Variants in BPTF observed in about 807,000 individuals in gnomAD.
The protein encoded by BPTF is bromodomain PHD finger transcription factor, also known as nucleosome-remodeling factor subunit BPTF.
A neutral mutation model predicts 292.5 loss-of-function variants in BPTF; 18 were observed. That is an observed-to-expected ratio of 0.06 (90% CI 0.04 to 0.09). The LOEUF (loss-of-function observed/expected upper bound fraction) is 0.09. Among genes scored for constraint, BPTF ranks in the 10% least tolerant of loss-of-function variants. The pLI is 1.00. For missense variants in BPTF, 2,726 were observed against 3,498.7 expected (o/e 0.78, Z 5.57); for synonymous variants, 1,225 against 1,251.9 (o/e 0.98, Z 0.45).
intron 1 of BPTF, among the ~76,000 whole-genome samples, chr17:67,847,374 C>T (rs1301037356): frequency 6.6e-5 from 10 of 151,960 alleles, no homozygotes; most frequent in Admixed American, 2.6e-4. Flanking sequence ...ATTAGCCGGG[C>T]GTGGTGGCAC....
chr17:67,834,845 G>A (rs1309988409), intron 1 of BPTF, among the ~76,000 whole-genome samples: 2 of 152,148 alleles, frequency 1.3e-5, no homozygotes, highest in African/African-American at 4.8e-5. Context: ...GTCAAAGAAA[G>A]CCTGTGGATT....
intron 9 of BPTF, among the ~76,000 whole-genome samples, chr17:67,909,278 C>A (rs1456995393): frequency 2.0e-5 from 2 of 98,776 alleles, no homozygotes; most frequent in Non-Finnish European, 5.1e-5. Flanking sequence ...TCCCCCCCCC[C>A]CTTTTTTTTT....
At chr17:67,845,763 T>A (rs958857499) in intron 1 of BPTF, among the ~76,000 whole-genome samples, 1 of 151,488 alleles carries the variant, frequency 6.6e-6, no homozygotes, top group Admixed American at 6.6e-5. Context: ...ACAGCAAGAT[T>A]CTGTCTCAAA....
intron 3 of BPTF, among the ~76,000 whole-genome samples, chr17:67,868,910 G>T (rs936094560): frequency 3.3e-5 from 5 of 152,200 alleles, no homozygotes; most frequent in African/African-American, 1.2e-4. Flanking sequence ...TAGTTACCAT[G>T]AATTATATTT....
At chr17:67,942,911 G>A (rs2065495669) in intron 19 of BPTF, among the ~76,000 whole-genome samples, 1 of 152,156 alleles carries the variant, frequency 6.6e-6, no homozygotes, top group Non-Finnish European at 1.5e-5. Flanking sequence ...TCAGAAATAG[G>A]CAAAACTAAG....
chr17:67,918,622 C>T, intron 11 of BPTF, 92 bp from the exon 12 acceptor site: 1 of 1,234,954 alleles, frequency 8.1e-7, no homozygotes, highest in South Asian at 1.6e-5. Context: ...GGACAAGAAA[C>T]ACAGCCCTTC....
At position 67,959,604 on chromosome 17, in the gene BPTF, A is replaced by G. The variant is rs782623738; in HGVS notation, c.7990A>G (p.Thr2664Ala). The change falls in exon 24 of 28, where the codon ACA becomes GCA. Residue 2664 changes from threonine (T) to alanine (A), a missense_variant. Physicochemically the swap from Thr to Ala is moderately conservative, Grantham distance 58 (BLOSUM62 0). Transcript: ENST00000306378. Reference protein sequence around the residue: ...EKDLMQLAQATAVAAPCPPVT... With the variant: ...EKDLMQLAQAAAVAAPCPPVT... ...AGACCTGATGCAGTTGGCTCAGGCC[A>G]CAGCAGTAGCTGCACCCTGCCCCCC... is the stretch of plus-strand genomic sequence containing the variant. The G allele has an allele frequency of 1.3e-6, 2 of 1,574,400 alleles. No homozygotes were observed. Among genetic ancestry groups the G allele is most frequent in the Admixed American group, 2.0e-5 (1 of 49,926 alleles).
In BPTF at chr17:67,846,897, C is replaced by T. The variant is rs372397198; in HGVS notation, c.614-7043C>T. On this transcript the variant is annotated intron_variant, in intron 1 of 27. Coordinates refer to ENST00000306378, the MANE Select transcript of BPTF (RefSeq NM_182641.4). ...TGTTATTTTAGTAGAGACAGGGTTTCGCCATGTTGGCCAGGCTGGTCCTAA... is the reference window on the plus strand; with the variant it reads ...TGTTATTTTAGTAGAGACAGGGTTTTGCCATGTTGGCCAGGCTGGTCCTAA... Among the ~76,000 whole-genome samples the T allele has an allele frequency of 3.5e-4, 53 of 152,234 alleles. 1 individual carries two copies. The highest frequency in any genetic ancestry group is 3.1e-3 in the East Asian group (16 of 5,148).
At chr17:67,844,107 T>G (rs1598185977) in intron 1 of BPTF, among the ~76,000 whole-genome samples, 1 of 123,536 alleles carries the variant, frequency 8.1e-6, no homozygotes, top group African/African-American at 3.2e-5. Flanking sequence ...TAAGATGGAG[T>G]CTCACTCTGT....
At chr17:67,926,948 A>G (rs933848589) in intron 15 of BPTF, among the ~76,000 whole-genome samples, 5 of 151,928 alleles carry the variant, frequency 3.3e-5, no homozygotes, top group Non-Finnish European at 5.9e-5. Context: ...TGATTTAATC[A>G]GATGATGTCT....
intron 13 of BPTF, among the ~76,000 whole-genome samples, chr17:67,920,825 A>G (rs2147188925): frequency 6.6e-6 from 1 of 152,280 alleles, no homozygotes; most frequent in East Asian, 1.9e-4. Flanking sequence ...CACTAATAGG[A>G]GTTCATTGTA....
chr17:67,961,839 T>C lies in BPTF; in HGVS notation c.8261+1964T>C, dbSNP rs12450338. ...AAATGCAAAAATTAGCCAGATGTGG[T>C]GGCACACACCTGTAATCCCAGCTAC... On this transcript the variant is annotated intron_variant, in intron 24 of 27. Coordinates refer to ENST00000306378, the MANE Select transcript of BPTF (RefSeq NM_182641.4). 7.3e-3 allele frequency among the ~76,000 whole-genome samples: 1,107 copies of C among 152,158 alleles called. 46 individuals are homozygous for C. Among genetic ancestry groups the C allele is most frequent in the Admixed American group, 0.066 (1,009 of 15,268 alleles).
chr17:67,853,334 TTCTTC>T (rs1212289760), intron 1 of BPTF, among the ~76,000 whole-genome samples: 1 of 152,160 alleles, frequency 6.6e-6, no homozygotes, highest in Non-Finnish European at 1.5e-5. Flanking sequence ...AGCATTGGAA[TTCTTC>T]TCTTTTCTCC....
intron 4 of BPTF, among the ~76,000 whole-genome samples, chr17:67,886,525 G>T (rs1342990338): frequency 6.6e-6 from 1 of 150,584 alleles, no homozygotes; most frequent in African/African-American, 2.4e-5. Flanking sequence ...CAATGTTTTT[G>T]TTTTCAAAAT....
At position 67,893,873 on chromosome 17, in the gene BPTF, A is replaced by G. The variant is rs1477222143; in HGVS notation, c.2411+148A>G. On this transcript the variant is annotated intron_variant, in intron 6 of 27. Transcript: ENST00000306378. ...GACAGGACATTAGAGGCATGAGTGT[A>G]CTTCTAACTTACTGAACCGACACCA... The G allele has an allele frequency of 9.8e-6, 11 of 1,124,854 alleles. No homozygotes were observed. In the East Asian group the frequency reaches 2.5e-4, roughly 25 times the overall value. The allele number at this position is 1,124,854 out of a possible 1,614,324, so 69.7% of individuals were successfully genotyped here.
chr17:67,930,094 C>T (rs938809659), intron 17 of BPTF, among the ~76,000 whole-genome samples: 3 of 124,832 alleles, frequency 2.4e-5, no homozygotes, highest in African/African-American at 9.0e-5. Context: ...CTAGCCTGGG[C>T]AATAGAGCCA....
chr17:67,911,793 A>G lies in BPTF; in HGVS notation c.3909A>G (p.Glu1303=). 6.2e-7 allele frequency: 1 copy of G among 1,614,224 alleles called. No homozygotes were observed. The highest frequency in any genetic ancestry group is 8.5e-7 in the Non-Finnish European group (1 of 1,180,034). ...CCGTGTCTATTCAGGATAGCAGTGA[A>G]GAAGATATGATTGTTCAGAATAGCA... ...SDTVSIQDSS[E]EDMIVQNSNE... The change falls in exon 11 of 28, where the codon GAA becomes GAG. Residue 1303 remains glutamate (E), a synonymous_variant. Coordinates refer to ENST00000306378, the MANE Select transcript of BPTF (RefSeq NM_182641.4).
intron 4 of BPTF, among the ~76,000 whole-genome samples, chr17:67,887,877 T>A (rs2060845774): frequency 6.6e-6 from 1 of 152,216 alleles, no homozygotes; most frequent in Non-Finnish European, 1.5e-5. Context: ...ATTTATATGT[T>A]TCCAAGGTCT....
At chr17:67,973,682 T>G in intron 26 of BPTF, among the ~76,000 whole-genome samples, 1 of 151,924 alleles carries the variant, frequency 6.6e-6, no homozygotes, top group Non-Finnish European at 1.5e-5. Context: ...ATTTTTGCAT[T>G]TTTAGTAGAG....
Sources: allele counts gnomAD v4.1 joint callset (sites outside exome capture counted in the v4.1 genomes callset), GRCh38; gene constraint gnomAD v4.1.1; transcripts MANE v1.5; gene names NCBI Gene and HGNC (gene_info 2026-07-23, HGNC 2026-07-21).